Variants in EPHB3 observed in about 807,000 individuals in gnomAD.
EPHB3 encodes the protein EPH receptor B3.
EPHB3 carries 33 observed loss-of-function variants against 100.2 expected under a neutral mutation model. That is an observed-to-expected ratio of 0.33 (90% confidence interval 0.25 to 0.44). The LOEUF (loss-of-function observed/expected upper bound fraction) is 0.44. Among genes scored for constraint, EPHB3 ranks in the 20% least tolerant of loss-of-function variants. The pLI is 1.00. For missense variants in EPHB3, 1,045 were observed against 1,378.3 expected (o/e 0.76, Z 3.83); for synonymous variants, 526 against 554.7 (o/e 0.95, Z 0.73).
rs1157884908 is a variant in EPHB3, at chr3:184,581,287, G to T, written c.2767G>T (p.Asp923Tyr). ...GCCCCTCCTGGACCGCACGGTCCCA[G>T]ATTACACAACCTTCACGACAGTTGG... ...SQPLLDRTVPDYTTFTTVGDW... is the reference protein window; with the variant it reads ...SQPLLDRTVPYYTTFTTVGDW... The change falls in exon 15 of 16, where the codon GAT becomes TAT. Residue 923 changes from aspartate to tyrosine, a missense_variant. Coordinates refer to ENST00000330394, the MANE Select transcript of EPHB3 (RefSeq NM_004443.4). 6.2e-7 allele frequency: 1 copy of T among 1,604,510 alleles called. No homozygotes were observed. The highest frequency in any genetic ancestry group is 1.1e-5 in the South Asian group (1 of 88,882).
At position 184,576,922 on chromosome 3, in the gene EPHB3, C is replaced by A. The variant is rs1014568253; in HGVS notation, c.1093C>A (p.Leu365Met). Residue 365 changes from leucine to methionine, a missense_variant, in exon 5 of 16, where the codon CTG becomes ATG. Coordinates refer to ENST00000330394, the MANE Select transcript of EPHB3 (RefSeq NM_004443.4). ...CCTCGAGTGGAGTGAGCCCCGGGACCTGGGTGGCCGGGATGACCTCCTGTA... is the reference window on the plus strand; with the variant it reads ...CCTCGAGTGGAGTGAGCCCCGGGACATGGGTGGCCGGGATGACCTCCTGTA... ...LILEWSEPRD[L>M]GGRDDLLYNV... is the part of the protein sequence containing the mutation. The A allele has an allele frequency of 5.0e-6, 8 of 1,599,806 alleles. No individual in the cohort carries two copies. The highest frequency in any genetic ancestry group is 6.8e-6 in the Non-Finnish European group (8 of 1,170,140).
Position 184,582,295 on chromosome 3 carries a change from T to C in EPHB3, c.*673T>C, listed in dbSNP as rs1714852681. ...GTGTGTGTGCGCGCGCGCGCGCGTG[T>C]GTGTGTGCACGCACTGGCCTGCACA... On this transcript the variant is annotated 3_prime_UTR_variant, in exon 16 of 16. Transcript: ENST00000330394. 6.5e-6 allele frequency: 1 copy of C among 153,776 alleles called. No individual in the cohort carries two copies. Among genetic ancestry groups the C allele is most frequent in the Non-Finnish European group, 1.4e-5 (1 of 69,178 alleles). 9.5% of individuals were successfully genotyped at this position (153,776 alleles called of 1,614,324 possible).
At position 184,581,517 on chromosome 3, in the gene EPHB3, C is replaced by A. The variant is rs753227216; in HGVS notation, c.2892C>A (p.Asp964Glu). ...CCTAATTTGGCTCCACCTGCAGAGA[C>A]CTGCTCCGTATTGGGGTCACCCTGG... Reference protein sequence around the residue: ...FDLVAQMTAEDLLRIGVTLAG... With the variant: ...FDLVAQMTAEELLRIGVTLAG... The change falls in exon 16 of 16, where the codon GAC (aspartate) becomes GAA (glutamate). Residue 964 changes from aspartate (D) to glutamate (E), a missense_variant. By Grantham distance (45) the Asp-to-Glu change is conservative. This residue lies in a region of EPHB3 where 985 missense variants were observed against 1,331.1 expected (regional missense o/e 0.74). Transcript: ENST00000330394. 6.2e-7 allele frequency: 1 copy of A among 1,612,900 alleles called. No individual in the cohort carries two copies.
Position 184,572,834 on chromosome 3 carries a change from G to C in EPHB3, c.514G>C (p.Gly172Arg). Residue 172 changes from glycine (G) to arginine (R), a missense_variant, in exon 3 of 16, where the codon GGC becomes CGC. Around this residue, in one of 2 missense-constraint regions of EPHB3, gnomAD observed 985 missense variants for 1,331.1 expected, o/e 0.74. Coordinates refer to ENST00000330394, the MANE Select transcript of EPHB3 (RefSeq NM_004443.4). The surrounding 1 kb of genome is among the most constrained non-coding windows in gnomAD (Gnocchi z 6.6). ...PDESFSRLDA[G>R]RVNTKVRSFG... is the part of the protein sequence containing the mutation. ...TGAGAGCTTCTCGCGGCTGGATGCC[G>C]GCCGTGTCAACACCAAGGTGCGCAG... 1.3e-6 allele frequency: 2 copies of C among 1,566,712 alleles called. No homozygotes were observed. Among genetic ancestry groups the C allele is most frequent in the Non-Finnish European group, 1.7e-6 (2 of 1,156,238 alleles).
rs1714562057 is a variant in EPHB3 at position 184,572,377 on chromosome 3, C to T, written c.184-127C>T. ...AGAGCTGGAATTTGAGCCCATATAG[C>T]CTGTATGCTCAGCCACTGCACACCA... On this transcript the variant is annotated intron_variant, in intron 2 of 15. Coordinates refer to ENST00000330394, the MANE Select transcript of EPHB3 (RefSeq NM_004443.4). The surrounding 1 kb of genome is among the most constrained non-coding windows in gnomAD (Gnocchi z 6.6). 9.2e-7 allele frequency: 1 copy of T among 1,091,770 alleles called. No individual in the cohort carries two copies. Among genetic ancestry groups the T allele is most frequent in the Non-Finnish European group, 1.2e-6 (1 of 818,980 alleles). The allele number at this position is 1,091,770 out of a possible 1,614,324, so 67.6% of individuals were successfully genotyped here.
Position 184,572,903 on chromosome 3 carries a change from G to A in EPHB3, c.583G>A (p.Asp195Asn), listed in dbSNP as rs1479327666. 1.3e-6 allele frequency: 2 copies of A among 1,563,586 alleles called. No individual in the cohort carries two copies. The highest frequency in any genetic ancestry group is 1.7e-6 in the Non-Finnish European group (2 of 1,153,960). The change falls in exon 3 of 16, where the codon GAC becomes AAC. Residue 195 changes from aspartate (D) to asparagine (N), a missense_variant. By Grantham distance (23) the Asp-to-Asn change is conservative. Around this residue, in one of 2 missense-constraint regions of EPHB3, gnomAD observed 985 missense variants for 1,331.1 expected, o/e 0.74. Coordinates refer to ENST00000330394, the MANE Select transcript of EPHB3 (RefSeq NM_004443.4). This position sits in a 1 kb window ranked among gnomAD's most constrained non-coding sequence, Gnocchi z 6.6. ...SKAGFYLAFQDQGACMSLISV... is the reference protein window; with the variant it reads ...SKAGFYLAFQNQGACMSLISV... The stretch of plus-strand genomic sequence containing the variant: ...GGCTGGCTTCTACCTGGCCTTCCAG[G>A]ACCAGGGCGCCTGCATGTCGCTCAT...
intron 3 of EPHB3, among the ~76,000 whole-genome samples, chr3:184,574,408 G>C (rs1399032040): frequency 6.6e-6 from 1 of 152,220 alleles, no homozygotes; most frequent in Admixed American, 6.5e-5. Context: ...ACTGAGTCTT[G>C]GAGAAGCTCT....
chr3:184,576,941 T>A lies in EPHB3; in HGVS notation c.1112T>A (p.Leu371His). ...EPRDLGGRDD[L>H]LYNVICKKCH... ...CGGGACCTGGGTGGCCGGGATGACC[T>A]CCTGTACAATGTCATCTGCAAGAAG... The change falls in exon 5 of 16, where the codon CTC becomes CAC. Residue 371 changes from leucine (L) to histidine (H), a missense_variant. By Grantham distance (99) the Leu-to-His change is moderately conservative. Transcript: ENST00000330394. 6.2e-7 allele frequency: 1 copy of A among 1,609,796 alleles called. No homozygotes were observed. The highest frequency in any genetic ancestry group is 8.5e-7 in the Non-Finnish European group (1 of 1,176,928).
rs1030565516 is a variant in EPHB3, at chr3:184,563,269, C to T, written c.118+916C>T. On this transcript the variant is annotated intron_variant, in intron 1 of 15. Coordinates refer to ENST00000330394, the MANE Select transcript of EPHB3 (RefSeq NM_004443.4). The surrounding 1 kb of genome is among the most constrained non-coding windows in gnomAD (Gnocchi z 4.1). The stretch of plus-strand genomic sequence containing the variant: ...CAATAGGGAGGCCCACACACACTCA[C>T]GCCCCGTTTCCAAGAATTTCGGAGC... 2.6e-5 allele frequency among the ~76,000 whole-genome samples: 4 copies of T among 152,138 alleles called. No homozygotes were observed. The highest frequency in any genetic ancestry group is 9.7e-5 in the African/African-American group (4 of 41,430).
In EPHB3 at chr3:184,579,632, G is replaced by T; in HGVS notation, c.1924+33G>T. Reference sequence around the variant, plus strand: ...TCCCGGGGCACAGTAGAGATGAGAAGCTGAGGCGGGCTGGGTACAGGAGTG... The same window carrying T: ...TCCCGGGGCACAGTAGAGATGAGAATCTGAGGCGGGCTGGGTACAGGAGTG... On this transcript the variant is annotated intron_variant, in intron 10 of 15. Coordinates refer to ENST00000330394, the MANE Select transcript of EPHB3 (RefSeq NM_004443.4). This position sits in a 1 kb window ranked among gnomAD's most constrained non-coding sequence, Gnocchi z 5.2. 6.2e-7 allele frequency: 1 copy of T among 1,612,796 alleles called. No individual in the cohort carries two copies. The highest frequency in any genetic ancestry group is 8.5e-7 in the Non-Finnish European group (1 of 1,178,984).
Position 184,572,630 on chromosome 3 carries a change from C to T in EPHB3, c.310C>T (p.Arg104Trp), listed in dbSNP as rs745841437. 1 of 1,558,860 alleles carries T rather than the reference C, an allele frequency of 6.4e-7. No homozygotes were observed. Among genetic ancestry groups the T allele is most frequent in the Admixed American group, 2.0e-5 (1 of 51,130 alleles). The change falls in exon 3 of 16, where the codon CGG (arginine) becomes TGG (tryptophan). Residue 104 changes from arginine (R) to tryptophan (W), a missense_variant. Arg to Trp is a moderately radical substitution (Grantham distance 101). Around this residue, in one of 2 missense-constraint regions of EPHB3, gnomAD observed 985 missense variants for 1,331.1 expected, o/e 0.74. Transcript: ENST00000330394. This position sits in a 1 kb window ranked among gnomAD's most constrained non-coding sequence, Gnocchi z 6.6. ...GTTCATCTGGCGGCGGGATGTGCAG[C>T]GGGTCTACGTGGAGCTCAAGTTCAC... is the stretch of plus-strand genomic sequence containing the variant. ...TGFIWRRDVQRVYVELKFTVR... is the reference protein window; with the variant it reads ...TGFIWRRDVQWVYVELKFTVR...
chr3:184,566,050 G>A (rs957107093), intron 1 of EPHB3, among the ~76,000 whole-genome samples: 3 of 152,238 alleles, frequency 2.0e-5, no homozygotes, highest in African/African-American at 7.2e-5. Context: ...GGTGGAGGGA[G>A]ACTGGATACA....
chr3:184,576,923 T>C lies in EPHB3; in HGVS notation c.1094T>C (p.Leu365Pro). ...LILEWSEPRD[L>P]GGRDDLLYNV... ...CTCGAGTGGAGTGAGCCCCGGGACC[T>C]GGGTGGCCGGGATGACCTCCTGTAC... is the stretch of plus-strand genomic sequence containing the variant. Residue 365 changes from leucine to proline, a missense_variant, in exon 5 of 16, where the codon CTG becomes CCG. By Grantham distance (98) the Leu-to-Pro change is moderately conservative. Transcript: ENST00000330394. 1 of 1,600,224 alleles carries C rather than the reference T, an allele frequency of 6.2e-7. No individual in the cohort carries two copies. The highest frequency in any genetic ancestry group is 8.5e-7 in the Non-Finnish European group (1 of 1,170,304).
chr3:184,576,840 A>G lies in EPHB3; in HGVS notation c.1013-2A>G. 6.5e-7 allele frequency: 1 copy of G among 1,537,634 alleles called. No homozygotes were observed. Among genetic ancestry groups the G allele is most frequent in the Non-Finnish European group, 8.8e-7 (1 of 1,138,778 alleles). On this transcript the variant is annotated splice_acceptor_variant, in intron 4 of 15. Coordinates refer to ENST00000330394, the MANE Select transcript of EPHB3 (RefSeq NM_004443.4). LOFTEE classifies it high-confidence loss of function. ...TACCTTCTCCCTCCATATTCCTCAC[A>G]GCCGTGCCATCTCCACCCCGAGGTG... is the stretch of plus-strand genomic sequence containing the variant.
Position 184,564,339 on chromosome 3 carries a change from C to T in EPHB3, c.118+1986C>T, listed in dbSNP as rs138311902. On this transcript the variant is annotated intron_variant, in intron 1 of 15. Coordinates refer to ENST00000330394, the MANE Select transcript of EPHB3 (RefSeq NM_004443.4). ...TCACTTTTGCAATACCTCAGACTCT[C>T]TGGTCTCCAGTTCGTGCGTGGGAGA... is the stretch of plus-strand genomic sequence containing the variant. Among the ~76,000 whole-genome samples the T allele has an allele frequency of 4.9e-3, 741 of 152,330 alleles. 3 individuals carry two copies. Among genetic ancestry groups the T allele is most frequent in the Middle Eastern group, 0.034 (10 of 294 alleles).
chr3:184,562,518 C>CGCCTCGGAGGCTGGAGCT lies in EPHB3; in HGVS notation c.118+167_118+184dup, dbSNP rs1189376029. 1.2e-4 allele frequency among the ~76,000 whole-genome samples: 18 copies of CGCCTCGGAGGCTGGAGCT among 152,006 alleles called. No individual in the cohort carries two copies. The highest frequency in any genetic ancestry group is 4.1e-4 in the African/African-American group (17 of 41,384). On this transcript the variant is annotated intron_variant, in intron 1 of 15. Transcript: ENST00000330394. The surrounding 1 kb of genome is among the most constrained non-coding windows in gnomAD (Gnocchi z 4.8). ...GGGGTGGGGAGGCCGCCCCTGGAGC[C>CGCCTCGGAGGCTGGAGCT]GCCTCGGAGGCTGGAGCTGGCTCGG...
chr3:184,567,795 T>G (rs979994544), intron 1 of EPHB3, among the ~76,000 whole-genome samples: 2 of 152,150 alleles, frequency 1.3e-5, no homozygotes, highest in African/African-American at 4.8e-5. Flanking sequence ...ACTGCAGGGT[T>G]GGGGGTGAGT....
At chr3:184,567,493 G>A (rs1335132936) in intron 1 of EPHB3, among the ~76,000 whole-genome samples, 1 of 151,906 alleles carries the variant, frequency 6.6e-6, no homozygotes, top group African/African-American at 2.4e-5. Context: ...GTGTGTGTGT[G>A]TGTGTGTGTG....
At position 184,572,896 on chromosome 3, in the gene EPHB3, C is replaced by T. The variant is rs1265130771; in HGVS notation, c.576C>T (p.Ala192=). 1 of 1,561,050 alleles carries T rather than the reference C, an allele frequency of 6.4e-7. No homozygotes were observed. The highest frequency in any genetic ancestry group is 2.3e-5 in the East Asian group (1 of 44,424). ...GPLSKAGFYL[A]FQDQGACMSL... ...TTTCCAAGGCTGGCTTCTACCTGGC[C>T]TTCCAGGACCAGGGCGCCTGCATGT... The change falls in exon 3 of 16, where the codon GCC becomes GCT. Residue 192 remains alanine, a synonymous_variant. Transcript: ENST00000330394. The surrounding 1 kb of genome is among the most constrained non-coding windows in gnomAD (Gnocchi z 6.6).
Sources: allele counts gnomAD v4.1 joint callset (sites outside exome capture counted in the v4.1 genomes callset), GRCh38; gene constraint gnomAD v4.1.1; regional missense constraint gnomAD v4.1.1; non-coding constraint Gnocchi (gnomAD v3.1); transcripts MANE v1.5; gene names NCBI Gene and HGNC (gene_info 2026-07-23, HGNC 2026-07-21).